C21orf58: variants seen among roughly 807,000 people sequenced by gnomAD.
C21orf58 encodes uncharacterized protein C21orf58.
C21orf58 carries 34 observed loss-of-function variants against 35.8 expected under a neutral mutation model. The observed-to-expected ratio is 0.95, with a 90% CI of 0.72 to 1.26. C21orf58 has a LOEUF of 1.26. Ranked by LOEUF, C21orf58 falls within the 50% of genes most tolerant of loss-of-function variation. The pLI, the probability that C21orf58 is intolerant of heterozygous loss-of-function variation, is 0.00. For synonymous variants in C21orf58, 191 were observed against 175.8 expected (o/e 1.09, Z -0.68); for missense variants, 440 against 414.3 (o/e 1.06, Z -0.54).
chr21:46,322,401 C>T (rs996493355), intron 1 of C21orf58: 23 of 982,598 alleles, frequency 2.3e-5, no homozygotes, highest in Non-Finnish European at 2.8e-5. Flanking sequence ...TCTAGGCAAA[C>T]CTGGGCACAT....
rs528709747 is a variant in C21orf58, at chr21:46,303,617, C to T, written c.722-1041G>A. Among the ~76,000 whole-genome samples, 15 of 136,990 alleles carry T rather than the reference C, an allele frequency of 1.1e-4. 1 individual carries two copies. The South Asian group carries it at 3.2e-3, about 29-fold the overall frequency. The allele number at this position is 136,990 out of a possible 152,430, so 89.9% of individuals were successfully genotyped here. On this transcript the variant is annotated intron_variant, in intron 6 of 7. Coordinates refer to ENST00000291691, the MANE Select transcript of C21orf58 (RefSeq NM_058180.5). ...CTGTGATGCTCGCACTTTGGGAGAC[C>T]GAGACAGGAGAAGTCCTTGAGACCA... is the stretch of plus-strand genomic sequence containing the variant.
rs2083039923 is a variant in C21orf58 at position 46,318,010 on chromosome 21, A to C, written c.309+2T>G. 1 of 1,613,014 alleles carries C rather than the reference A, an allele frequency of 6.2e-7. No homozygotes were observed. The highest frequency in any genetic ancestry group is 8.5e-7 in the Non-Finnish European group (1 of 1,179,908). On this transcript the variant is annotated splice_donor_variant, in intron 2 of 7. Coordinates refer to ENST00000291691, the MANE Select transcript of C21orf58 (RefSeq NM_058180.5). LOFTEE classifies it high-confidence loss of function. ...ACAGGAGCATCCCGGGCTCTGCCTC[A>C]CCTGTCCCAAGAGCTTCAGCGTCAG...
rs748643548 is a variant in C21orf58, at chr21:46,318,132, G to A, written c.189C>T (p.Thr63=). The A allele has an allele frequency of 1.2e-6, 2 of 1,613,006 alleles. No individual in the cohort carries two copies. Among genetic ancestry groups the A allele is most frequent in the African/African-American group, 2.7e-5 (2 of 74,910 alleles). Reference sequence around the variant, plus strand: ...GAGGCCACAGCCCACCTCCCTCCCTGGTTCTGTTACTCGCAGGAAAGAACT... The same window carrying A: ...GAGGCCACAGCCCACCTCCCTCCCTAGTTCTGTTACTCGCAGGAAAGAACT... ...AEQFFPASNR[T]REGGGLWPPL... is the part of the protein sequence containing the mutation. Residue 63 remains threonine (T), a synonymous_variant, in exon 2 of 8, where the codon ACC becomes ACT. Transcript: ENST00000291691.
rs565308340 is a variant in C21orf58 at position 46,317,480 on chromosome 21, C to G, written c.310-212G>C. 6.6e-6 allele frequency: 5 copies of G among 754,954 alleles called. No homozygotes were observed. In the Admixed American group the frequency reaches 1.3e-4, roughly 20 times the overall value. 46.8% of individuals were successfully genotyped at this position (754,954 alleles called of 1,614,324 possible). Reference sequence around the variant, plus strand: ...CCTCTAGCAAATTCATGTGTTCCATCCACAAGTCTAGGGGCGGATGCTCTG... The same window carrying G: ...CCTCTAGCAAATTCATGTGTTCCATGCACAAGTCTAGGGGCGGATGCTCTG... On this transcript the variant is annotated intron_variant, in intron 2 of 7. Transcript: ENST00000291691.
In C21orf58 at chr21:46,308,988, C is replaced by G. The variant is rs949135336; in HGVS notation, c.721+2468G>C. ...CCCCGAACCTTGCACTCCCCAGTCT[C>G]TATAACTGTAAGAAATGAATTTCTT... is the stretch of plus-strand genomic sequence containing the variant. On this transcript the variant is annotated intron_variant, in intron 6 of 7. Transcript: ENST00000291691. Among the ~76,000 whole-genome samples the G allele has an allele frequency of 1.1e-4, 16 of 152,278 alleles. No homozygotes were observed. The East Asian group carries it at 1.4e-3, about 13-fold the overall frequency.
At chr21:46,308,496 T>C (rs1465531779) in intron 6 of C21orf58, among the ~76,000 whole-genome samples, 2 of 152,072 alleles carry the variant, frequency 1.3e-5, no homozygotes, top group African/African-American at 4.8e-5. Context: ...GATTCAGACA[T>C]TTCACTTCTA....
At position 46,322,651 on chromosome 21, in the gene C21orf58, TGTGGCCTGA is replaced by T; in HGVS notation, c.79_87del (p.Gly28_Ser30del). The T allele has an allele frequency of 6.3e-7, 1 of 1,591,252 alleles. No homozygotes were observed. The highest frequency in any genetic ancestry group is 8.6e-7 in the Non-Finnish European group (1 of 1,168,606). Reference sequence around the variant, plus strand: ...ACACCCCGCTCACCACACAGAAGACTGTGGCCTGAGTCAGGAGAAGGAAGTTTCTGGCGG... The same window carrying T: ...ACACCCCGCTCACCACACAGAAGACTGTCAGGAGAAGGAAGTTTCTGGCGG... On this transcript the variant is annotated inframe_deletion, in exon 1 of 8. Coordinates refer to ENST00000291691, the MANE Select transcript of C21orf58 (RefSeq NM_058180.5).
chr21:46,302,121 C>A lies in C21orf58; in HGVS notation c.847G>T (p.Ala283Ser). 6.6e-7 allele frequency: 1 copy of A among 1,520,748 alleles called. No individual in the cohort carries two copies. The highest frequency in any genetic ancestry group is 8.8e-7 in the Non-Finnish European group (1 of 1,133,880). 94.2% of individuals were successfully genotyped at this position (1,520,748 alleles called of 1,614,324 possible). The change falls in exon 8 of 8, where the codon GCT (alanine) becomes TCT (serine). Residue 283 changes from alanine to serine, a missense_variant. Ala to Ser is a moderately conservative substitution (Grantham distance 99). Transcript: ENST00000291691. ...ACGGCAGGCAGCCTTGGCCTGGCAG[C>A]TCGTGGGACCCTCGGGGGCACATGT... ...PPHVPPRVPRAARPRLPAVHH... is the reference protein window; with the variant it reads ...PPHVPPRVPRSARPRLPAVHH...
At chr21:46,315,748 C>T (rs2082952561) in intron 3 of C21orf58, among the ~76,000 whole-genome samples, 1 of 152,148 alleles carries the variant, frequency 6.6e-6, no homozygotes, top group South Asian at 2.1e-4. Flanking sequence ...CAAGGGGCAG[C>T]ATCAGGGGAG....
rs2083257499 is a variant in C21orf58 at position 46,323,791 on chromosome 21, C to T, written c.-1053G>A. The T allele has an allele frequency of 3.3e-6, 1 of 304,168 alleles. No individual in the cohort carries two copies. Among genetic ancestry groups the T allele is most frequent in the African/African-American group, 2.3e-5 (1 of 43,212 alleles). The allele number at this position is 304,168 out of a possible 1,614,324, so 18.8% of individuals were successfully genotyped here. A position where few individuals can be genotyped will look rare whatever the true frequency, so the allele number is the denominator to read the frequency against. On this transcript the variant is annotated 5_prime_UTR_variant, in exon 1 of 8. Coordinates refer to ENST00000291691, the MANE Select transcript of C21orf58 (RefSeq NM_058180.5). ...GAGCACCGTTCGGCGCCGCCCGCGC[C>T]TGCAGGGAGCCCGGCCCGCTGTCCT...
chr21:46,300,878 C>G, downstream of C21orf58: 1 of 1,077,736 alleles, frequency 9.3e-7, no homozygotes, highest in Non-Finnish European at 1.2e-6. Flanking sequence ...ATAATTGCAC[C>G]CAAAAAAAAA....
intron 6 of C21orf58, among the ~76,000 whole-genome samples, chr21:46,305,926 C>T (rs1054741443): frequency 3.3e-5 from 5 of 149,900 alleles, no homozygotes; most frequent in East Asian, 2.0e-4. Context: ...TGGCAGACAG[C>T]GAGACTCCGT....
At chr21:46,321,581 C>T (rs1384865409) in intron 1 of C21orf58, among the ~76,000 whole-genome samples, 1 of 152,098 alleles carries the variant, frequency 6.6e-6, no homozygotes, top group Non-Finnish European at 1.5e-5. Context: ...GAAGAATGTC[C>T]CTCAATTAAA....
chr21:46,306,499 G>GA lies in C21orf58; in HGVS notation c.722-3924dup, dbSNP rs1008039717. ...GGCAACAGAGCGACACTCCCATCTC[G>GA]AAAAAAAAAATCTTTTATGAATTCC... is the stretch of plus-strand genomic sequence containing the variant. On this transcript the variant is annotated intron_variant, in intron 6 of 7. Transcript: ENST00000291691. Among the ~76,000 whole-genome samples the GA allele has an allele frequency of 2.9e-3, 431 of 149,396 alleles. 2 individuals are homozygous for GA. The highest frequency in any genetic ancestry group is 9.7e-3 in the African/African-American group (394 of 40,772).
chr21:46,316,452 T>C (rs1008351538), intron 3 of C21orf58, among the ~76,000 whole-genome samples: 4 of 151,916 alleles, frequency 2.6e-5, no homozygotes, highest in Admixed American at 2.6e-4. Flanking sequence ...TGAGACTCCA[T>C]CTCAAAAAAA....
Position 46,301,174 on chromosome 21 carries a change from C to G in C21orf58, c.*825G>C. The G allele has an allele frequency of 1.3e-6, 1 of 749,330 alleles. No individual in the cohort carries two copies. The highest frequency in any genetic ancestry group is 1.6e-6 in the Non-Finnish European group (1 of 612,334). 46.4% of individuals were successfully genotyped at this position (749,330 alleles called of 1,614,324 possible). On this transcript the variant is annotated 3_prime_UTR_variant, in exon 8 of 8. Coordinates refer to ENST00000291691, the MANE Select transcript of C21orf58 (RefSeq NM_058180.5). ...ATTTTATTTTTGAGACAGGGGCCTG[C>G]TCTGTGGTCCAGGCTATAGTGCAGT...
intron 6 of C21orf58, among the ~76,000 whole-genome samples, chr21:46,302,793 T>C (rs1463524800): frequency 1.7e-5 from 1 of 59,608 alleles, no homozygotes; most frequent in Non-Finnish European, 3.2e-5. Context: ...CCTGAGCCCG[T>C]CTGCACACGG....
chr21:46,313,098 C>T (rs1320506832), intron 5 of C21orf58: 2 of 976,232 alleles, frequency 2.0e-6, no homozygotes, highest in East Asian at 1.1e-4. Flanking sequence ...AGAGCTACAT[C>T]GTAAACAGCT....
Position 46,323,866 on chromosome 21 carries a change from T to C in C21orf58, c.-1128A>G, listed in dbSNP as rs3810592. On this transcript the variant is annotated 5_prime_UTR_variant, in exon 1 of 8. Coordinates refer to ENST00000291691, the MANE Select transcript of C21orf58 (RefSeq NM_058180.5). ...CCCGCGCGGGACCAGCAGCGCGAACTTTTTGCCGCTCGGCCAGCCTGGCAG... is the reference window on the plus strand; with the variant it reads ...CCCGCGCGGGACCAGCAGCGCGAACCTTTTGCCGCTCGGCCAGCCTGGCAG... The C allele has an allele frequency of 2.6e-6, 1 of 377,570 alleles. No individual in the cohort carries two copies. The highest frequency in any genetic ancestry group is 6.4e-5 in the East Asian group (1 of 15,636). 23.4% of individuals were successfully genotyped at this position (377,570 alleles called of 1,614,324 possible).
Sources: allele counts gnomAD v4.1 joint callset (sites outside exome capture counted in the v4.1 genomes callset), GRCh38; gene constraint gnomAD v4.1.1; transcripts MANE v1.5; gene names NCBI Gene and HGNC (gene_info 2026-07-23, HGNC 2026-07-21).